Variants in ADAMTS18 observed in about 807,000 individuals in gnomAD.
ADAMTS18 encodes ADAM metallopeptidase with thrombospondin type 1 motif 18.
A neutral mutation model predicts 165.9 loss-of-function variants in ADAMTS18; 157 were observed. That is an observed-to-expected ratio of 0.95 (90% CI 0.83 to 1.08). The LOEUF (loss-of-function observed/expected upper bound fraction) is 1.08, where lower values mean the gene tolerates loss of function less well. ADAMTS18 is among the 50% of genes least tolerant of loss of function. The probability of loss-of-function intolerance (pLI) is 0.00; values close to 1 mark genes in which losing one functional copy is unlikely to be tolerated. For missense variants in ADAMTS18, 2,040 were observed against 1,534.0 expected (o/e 1.33, Z -5.51); for synonymous variants, 782 against 578.2 (o/e 1.35, Z -5.06).
chr16:77,420,317 G>C (rs2057585537), intron 3 of ADAMTS18, among the ~76,000 whole-genome samples: 1 of 152,066 alleles, frequency 6.6e-6, no homozygotes, highest in Non-Finnish European at 1.5e-5. Flanking sequence ...CCATGTCTAA[G>C]ATGATTGCAT....
chr16:77,312,978 T>C (rs2055811214), intron 16 of ADAMTS18, among the ~76,000 whole-genome samples: 3 of 152,132 alleles, frequency 2.0e-5, no homozygotes, highest in South Asian at 4.1e-4. Flanking sequence ...CATGCTGCTA[T>C]AAAGACACAC....
chr16:77,295,508 A>G (rs919530353), intron 18 of ADAMTS18, among the ~76,000 whole-genome samples: 1 of 152,202 alleles, frequency 6.6e-6, no homozygotes, highest in Non-Finnish European at 1.5e-5. Context: ...AGCCTATAAC[A>G]CAGTAAAGAG....
At chr16:77,336,536 T>C (rs1223583832) in intron 11 of ADAMTS18, among the ~76,000 whole-genome samples, 1 of 152,230 alleles carries the variant, frequency 6.6e-6, no homozygotes, top group African/African-American at 2.4e-5. Flanking sequence ...GCATCCTTTT[T>C]CCTTTGTCTA....
intron 16 of ADAMTS18, among the ~76,000 whole-genome samples, chr16:77,315,706 T>A (rs1336532354): frequency 1.3e-5 from 2 of 152,206 alleles, no homozygotes; most frequent in African/African-American, 2.4e-5. Flanking sequence ...TTGCAATTAT[T>A]TGGCTACTCC....
rs190932208 is a variant in ADAMTS18, at chr16:77,326,444, G to A, written c.1860-406C>T. ...GTTGCCCAGTCTGGAATGCAGTGGC[G>A]TGATCTTGGCTCACTGCTGCCTCCA... On this transcript the variant is annotated intron_variant, in intron 12 of 22. Transcript: ENST00000282849. Among the ~76,000 whole-genome samples the A allele has an allele frequency of 1.8e-4, 27 of 152,212 alleles. No individual in the cohort carries two copies. The East Asian group carries it at 2.9e-3, about 16-fold the overall frequency.
intron 22 of ADAMTS18, 40 bp downstream of exon 22, chr16:77,289,224 A>G: frequency 6.2e-7 from 1 of 1,612,384 alleles, no homozygotes; most frequent in Non-Finnish European, 8.5e-7. Flanking sequence ...AAAATTATCT[A>G]AAGACTAGTA....
At chr16:77,328,332 T>C (rs2056130214) in intron 12 of ADAMTS18, among the ~76,000 whole-genome samples, 1 of 152,138 alleles carries the variant, frequency 6.6e-6, no homozygotes, top group African/African-American at 2.4e-5. Flanking sequence ...TCATCTTGTA[T>C]AACATGAAAG....
chr16:77,303,961 CG>C (rs1320916072), intron 16 of ADAMTS18, among the ~76,000 whole-genome samples: 1 of 151,970 alleles, frequency 6.6e-6, no homozygotes, highest in African/African-American at 2.4e-5. Flanking sequence ...ACTCAGGAGG[CG>C]GAGCTTGCAG....
At chr16:77,320,938 T>C (rs922974695) in intron 15 of ADAMTS18, 141 bp downstream of exon 15, 2 of 1,058,686 alleles carry the variant, frequency 1.9e-6, no homozygotes, top group African/African-American at 3.1e-5. Context: ...TCTCCCTTAC[T>C]CTTGCACAAG....
intron 4 of ADAMTS18, among the ~76,000 whole-genome samples, chr16:77,364,844 G>A (rs1198806375): frequency 3.3e-5 from 5 of 152,044 alleles, no homozygotes; most frequent in East Asian, 3.9e-4. Flanking sequence ...GGTGGCTCAC[G>A]CCCGTAATCC....
intron 3 of ADAMTS18, among the ~76,000 whole-genome samples, chr16:77,389,485 C>T (rs764289075): frequency 2.6e-5 from 4 of 152,200 alleles, no homozygotes; most frequent in South Asian, 2.1e-4. Context: ...GTTCAACAAA[C>T]GTTTGTATTT....
At chr16:77,415,657 G>A (rs1051414098) in intron 3 of ADAMTS18, among the ~76,000 whole-genome samples, 2 of 149,716 alleles carry the variant, frequency 1.3e-5, no homozygotes, top group Admixed American at 6.7e-5. Context: ...AGGAAGAGGT[G>A]GGGAGGGTAG....
chr16:77,347,332 G>A (rs1445419875), intron 10 of ADAMTS18, among the ~76,000 whole-genome samples: 1 of 152,048 alleles, frequency 6.6e-6, no homozygotes, highest in Non-Finnish European at 1.5e-5. Flanking sequence ...ACATTTGCTG[G>A]GTCAAAGGGT....
chr16:77,314,401 A>C (rs944187598), intron 16 of ADAMTS18, among the ~76,000 whole-genome samples: 2 of 152,026 alleles, frequency 1.3e-5, no homozygotes, highest in Non-Finnish European at 2.9e-5. Flanking sequence ...TGAGGTCAGG[A>C]GTTCCAGACC....
chr16:77,430,179 A>AAAC (rs1451658364), intron 3 of ADAMTS18, among the ~76,000 whole-genome samples: 14 of 152,314 alleles, frequency 9.2e-5, no homozygotes, highest in African/African-American at 3.1e-4. Context: ...CAAACAAAAA[A>AAAC]ACAAGATATA....
intron 10 of ADAMTS18, among the ~76,000 whole-genome samples, chr16:77,345,587 T>C (rs779844054): frequency 3.3e-5 from 5 of 152,166 alleles, no homozygotes; most frequent in Non-Finnish European, 7.4e-5. Flanking sequence ...CAGTTTATTC[T>C]CAACACAGTG....
intron 10 of ADAMTS18, among the ~76,000 whole-genome samples, chr16:77,344,707 G>A (rs1458981784): frequency 1.3e-5 from 2 of 151,140 alleles, no homozygotes; most frequent in Admixed American, 6.6e-5. Context: ...ACCAAGAGAA[G>A]GGGCAGCTGG....
intron 12 of ADAMTS18, among the ~76,000 whole-genome samples, chr16:77,334,158 ACAG>A (rs2056243431): frequency 4.3e-5 from 4 of 93,614 alleles, no homozygotes; most frequent in African/African-American, 1.3e-4. Context: ...TATATAATAT[ACAG>A]TGTTATATAT....
Position 77,367,450 on chromosome 16 carries a change from G to T in ADAMTS18, c.769C>A (p.Arg257Ser), listed in dbSNP as rs765623782. 2 of 1,614,032 alleles carry T rather than the reference G, an allele frequency of 1.2e-6. No homozygotes were observed. Among genetic ancestry groups the T allele is most frequent in the Non-Finnish European group, 8.5e-7 (1 of 1,180,042 alleles). ...AAGTTTCCTTACATACATTTCTTGC[G>T]TCGTCCACAAAAATGCTGCTTTTGC... The part of the protein sequence containing the change: ...RLQKQHFCGR[R>S]KKYAPKPPTE... Residue 257 changes from arginine (R) to serine (S), a missense_variant, in exon 4 of 23, where the codon CGC becomes AGC. Coordinates refer to ENST00000282849, the MANE Select transcript of ADAMTS18 (RefSeq NM_199355.4).
Sources: gnomAD v4.1 joint callset for allele counts (sites outside exome capture counted in the v4.1 genomes callset) on GRCh38, gnomAD v4.1.1 for gene constraint, MANE v1.5 for transcripts, NCBI Gene and HGNC (gene_info 2026-07-23, HGNC 2026-07-21) for gene names.